Variants in HERC6 observed in about 807,000 individuals in gnomAD.
HERC6 encodes probable E3 ubiquitin-protein ligase HERC6.
A neutral mutation model predicts 114.5 loss-of-function variants in HERC6; 101 were observed. That is an observed-to-expected ratio of 0.88 (90% CI 0.75 to 1.04). The LOEUF is 1.04. Ranked by LOEUF, HERC6 falls within the 50% of genes least tolerant of loss-of-function variation. The pLI is 0.00. For synonymous variants in HERC6, 408 were observed against 436.2 expected (o/e 0.94, Z 0.81); for missense variants, 1,133 against 1,230.9 (o/e 0.92, Z 1.19).
intron 3 of HERC6, among the ~76,000 whole-genome samples, chr4:88,386,070 C>T (rs1734559123): frequency 6.6e-6 from 1 of 152,098 alleles, no homozygotes; most frequent in Admixed American, 6.5e-5. Flanking sequence ...CCAAATTTCT[C>T]AATGGAGAGT....
At chr4:88,388,834 C>T (rs1255112334) in intron 3 of HERC6, among the ~76,000 whole-genome samples, 2 of 152,138 alleles carry the variant, frequency 1.3e-5, no homozygotes, top group Non-Finnish European at 1.5e-5. Flanking sequence ...AGAAAGCCTG[C>T]CTGCATCAAT....
In HERC6 at chr4:88,417,535, T is replaced by C. The variant is rs1274919470; in HGVS notation, c.1669T>C (p.Cys557Arg). 6.2e-7 allele frequency: 1 copy of C among 1,613,122 alleles called. No individual in the cohort carries two copies. The highest frequency in any genetic ancestry group is 8.5e-7 in the Non-Finnish European group (1 of 1,179,528). Residue 557 changes from cysteine (C) to arginine (R), a missense_variant, in exon 13 of 23, where the codon TGT becomes CGT. Around this residue, in one of 3 missense-constraint regions of HERC6, gnomAD observed 735 missense variants for 754.0 expected, o/e 0.97. Transcript: ENST00000264346. Reference protein sequence around the residue: ...LHQTKTEQDHCNVKALLGMMK... With the variant: ...LHQTKTEQDHRNVKALLGMMK... ...TCAGACTAAAACCGAACAGGATCAC[T>C]GTAATGTTAAAGCTCTTTTAGGAAT...
In HERC6 at chr4:88,379,169, C is replaced by G. The variant is rs562215897; in HGVS notation, c.199+49C>G. ...GGGTGTGAGGACCCCAGTACATGGG[C>G]GCGGGGGCTTGGGTACCGGGCGCAG... is the stretch of plus-strand genomic sequence containing the variant. On this transcript the variant is annotated intron_variant, in intron 1 of 22. Coordinates refer to ENST00000264346, the MANE Select transcript of HERC6 (RefSeq NM_017912.4). 124 of 1,397,598 alleles carry G rather than the reference C, an allele frequency of 8.9e-5. 4 individuals carry two copies. The South Asian group carries it at 1.6e-3, about 18-fold the overall frequency. The allele number at this position is 1,397,598 out of a possible 1,614,324, so 86.6% of individuals were successfully genotyped here. A position where few individuals can be genotyped will look rare whatever the true frequency, so the allele number is the denominator to read the frequency against.
At chr4:88,434,674 G>A (rs1738560466) in intron 17 of HERC6, among the ~76,000 whole-genome samples, 2 of 151,548 alleles carry the variant, frequency 1.3e-5, no homozygotes, top group African/African-American at 4.9e-5. Flanking sequence ...AAACTAGTAA[G>A]TGATCAAGCC....
intron 8 of HERC6, among the ~76,000 whole-genome samples, chr4:88,402,601 T>A (rs1240493387): frequency 6.6e-6 from 1 of 152,100 alleles, no homozygotes; most frequent in Non-Finnish European, 1.5e-5. Flanking sequence ...GTTCATCAGT[T>A]CTGAAGTAAC....
intron 12 of HERC6, among the ~76,000 whole-genome samples, chr4:88,416,173 G>A (rs952440411): frequency 6.6e-6 from 1 of 152,180 alleles, no homozygotes; most frequent in East Asian, 1.9e-4. Flanking sequence ...TCAGTGTGCT[G>A]TGTGACTCAG....
intron 17 of HERC6, among the ~76,000 whole-genome samples, chr4:88,431,654 G>A (rs1285685029): frequency 1.3e-5 from 2 of 152,218 alleles, no homozygotes; most frequent in African/African-American, 4.8e-5. Context: ...CAGCCTGGTG[G>A]TTCACACCTG....
rs182054027 is a variant in HERC6 at position 88,381,803 on chromosome 4, G to C, written c.200-1418G>C. ...AAACTCCTGACCTCGTGATCCACCC[G>C]CCTCGGCCTCCCAAAGTGCTGGGAT... On this transcript the variant is annotated intron_variant, in intron 1 of 22. Transcript: ENST00000264346. Among the ~76,000 whole-genome samples the C allele has an allele frequency of 4.6e-5, 7 of 152,074 alleles. No homozygotes were observed. The East Asian group carries it at 1.4e-3, about 29-fold the overall frequency.
chr4:88,393,465 G>C (rs1320334995), intron 4 of HERC6, 23 bp from the exon 5 acceptor site: 1 of 1,477,458 alleles, frequency 6.8e-7, no homozygotes, highest in Non-Finnish European at 9.4e-7. Context: ...TTATACTCTA[G>C]AGATTCTGCT....
intron 1 of HERC6, among the ~76,000 whole-genome samples, chr4:88,381,224 G>T (rs1044967761): frequency 6.6e-6 from 1 of 152,134 alleles, no homozygotes; most frequent in South Asian, 2.1e-4. Flanking sequence ...TACCCTCTTA[G>T]GTTCAGCGGC....
chr4:88,417,312 C>A, intron 12 of HERC6, 113 bp from the exon 13 acceptor site: 1 of 964,168 alleles, frequency 1.0e-6, no homozygotes, highest in Non-Finnish European at 1.5e-6. Context: ...ATAAATTATG[C>A]CATCAGAAAT....
chr4:88,432,528 T>C (rs184336489), intron 17 of HERC6, among the ~76,000 whole-genome samples: 407 of 152,156 alleles, frequency 2.7e-3, no homozygotes, highest in Non-Finnish European at 4.4e-3. Context: ...GAGACCAGCC[T>C]GGCCAGCCTG....
intron 9 of HERC6, 61 bp downstream of exon 9, chr4:88,405,058 A>T: frequency 1.9e-6 from 3 of 1,570,574 alleles, no homozygotes; most frequent in South Asian, 2.4e-5. Flanking sequence ...TGGTCATTTT[A>T]TCCTAAGATA....
intron 5 of HERC6, 83 bp downstream of exon 5, chr4:88,393,665 A>G (rs1735042143): frequency 1.3e-6 from 1 of 776,670 alleles, no homozygotes; most frequent in Non-Finnish European, 2.1e-6. Context: ...GTTGAAAGAC[A>G]GAGACATTAG....
At chr4:88,432,105 G>A (rs769502405) in intron 17 of HERC6, among the ~76,000 whole-genome samples, 2 of 152,160 alleles carry the variant, frequency 1.3e-5, no homozygotes, top group Non-Finnish European at 2.9e-5. Context: ...CCAACATGAT[G>A]CCACAAGTGG....
At chr4:88,437,106 G>C in intron 19 of HERC6, 135 bp downstream of exon 19, 1 of 585,958 alleles carries the variant, frequency 1.7e-6, no homozygotes, top group Non-Finnish European at 2.9e-6. Context: ...ACCCAGGTTG[G>C]AGTACAATGG....
intron 12 of HERC6, among the ~76,000 whole-genome samples, chr4:88,413,663 A>G (rs1386557599): frequency 6.6e-6 from 1 of 152,188 alleles, no homozygotes; most frequent in Admixed American, 6.6e-5. Context: ...ACTTTGTATT[A>G]TTATTATTTA....
chr4:88,394,212 T>C (rs769151237), intron 5 of HERC6, among the ~76,000 whole-genome samples: 23 of 152,094 alleles, frequency 1.5e-4, no homozygotes, highest in Non-Finnish European at 2.9e-4. Flanking sequence ...TGGTGGCTCA[T>C]GCCTATAATC....
At chr4:88,431,027 T>C in intron 16 of HERC6, 135 bp from the exon 17 acceptor site, 1 of 712,144 alleles carries the variant, frequency 1.4e-6, no homozygotes, top group African/African-American at 1.8e-5. Context: ...GAAGACAGAT[T>C]GCAAGGAGGT....
Sources: allele counts gnomAD v4.1 joint callset (sites outside exome capture counted in the v4.1 genomes callset), GRCh38; gene constraint gnomAD v4.1.1; regional missense constraint gnomAD v4.1.1; transcripts MANE v1.5; gene names NCBI Gene and HGNC (gene_info 2026-07-23, HGNC 2026-07-21).